The following NRXN1 variants were observed in gnomAD, a reference collection of about 807,000 sequenced individuals.
The protein encoded by NRXN1 is neurexin 1.
A neutral mutation model predicts 150.9 loss-of-function variants in NRXN1; 39 were observed. That is an observed-to-expected ratio of 0.26 (90% CI 0.20 to 0.34). The LOEUF is 0.34. Ranked by LOEUF, NRXN1 falls within the 10% of genes least tolerant of loss-of-function variation. The probability of loss-of-function intolerance (pLI) is 1.00; values close to 1 mark genes in which losing one functional copy is unlikely to be tolerated. For synonymous variants in NRXN1, 924 were observed against 757.0 expected (o/e 1.22, Z -3.62); for missense variants, 1,815 against 1,949.9 (o/e 0.93, Z 1.30).
chr2:50,241,683 T>A (rs1014723035), intron 17 of NRXN1, among the ~76,000 whole-genome samples: 3 of 151,798 alleles, frequency 2.0e-5, no homozygotes, highest in African/African-American at 7.2e-5. Context: ...AAAATATACA[T>A]GGGCTCCCGT....
At chr2:50,644,868 T>C (rs1447936707) in intron 5 of NRXN1, among the ~76,000 whole-genome samples, 2 of 149,262 alleles carry the variant, frequency 1.3e-5, no homozygotes, top group Non-Finnish European at 3.0e-5. Context: ...GATATATAAA[T>C]AAAAAATGTA....
intron 5 of NRXN1, chr2:50,918,713 C>G: frequency 3.0e-6 from 1 of 333,444 alleles, no homozygotes; most frequent in East Asian, 4.0e-5. Context: ...GGAAAAGAAA[C>G]AAGAACAAAA....
chr2:51,027,568 C>G lies in NRXN1; in HGVS notation c.706G>C (p.Val236Leu), dbSNP rs1366215241. The G allele has an allele frequency of 6.2e-7, 1 of 1,601,962 alleles. No homozygotes were observed. Among genetic ancestry groups the G allele is most frequent in the Non-Finnish European group, 8.5e-7 (1 of 1,171,968 alleles). ...TCGCACACGGCCTGGTCGTCCACCA[C>G]GGAGCACACACCTCCGTTGAGGCAC... ...GVCLNGGVCS[V>L]VDDQAVCDCS... Residue 236 changes from valine to leucine, a missense_variant, in exon 2 of 23, where the codon GTG becomes CTG. Coordinates refer to ENST00000401669, the MANE Select transcript of NRXN1 (RefSeq NM_001330078.2).
At chr2:50,814,811 T>C (rs988117747) in intron 5 of NRXN1, among the ~76,000 whole-genome samples, 8 of 152,172 alleles carry the variant, frequency 5.3e-5, no homozygotes, top group African/African-American at 1.9e-4. Context: ...AATTATTATA[T>C]TGAAATTCTG....
intron 12 of NRXN1, among the ~76,000 whole-genome samples, chr2:50,519,462 A>G (rs996405953): frequency 2.0e-5 from 3 of 151,970 alleles, no homozygotes; most frequent in Middle Eastern, 3.2e-3. Flanking sequence ...GCTCCAGGAA[A>G]TGTTCTAAAA....
chr2:50,260,222 A>G (rs568625368), intron 17 of NRXN1, among the ~76,000 whole-genome samples: 1 of 151,992 alleles, frequency 6.6e-6, no homozygotes, highest in South Asian at 2.1e-4. Context: ...TGATGCCTTT[A>G]GGAAAATAGA....
rs906574579 is a variant in NRXN1, at chr2:50,479,084, G to C, written c.3071-6613C>G. Among the ~76,000 whole-genome samples, 3 of 152,090 alleles carry C rather than the reference G, an allele frequency of 2.0e-5. No individual in the cohort carries two copies. The East Asian group carries it at 5.8e-4, about 29-fold the overall frequency. On this transcript the variant is annotated intron_variant, in intron 15 of 22. Transcript: ENST00000401669. ...CTGTATCATCTAAATTAAGTCTAAG[G>C]CTCAGCAGTGATCAAGATTTTGAAT...
intron 17 of NRXN1, among the ~76,000 whole-genome samples, chr2:50,381,760 G>A (rs529452636): frequency 1.3e-4 from 20 of 152,236 alleles, no homozygotes; most frequent in African/African-American, 4.6e-4. Flanking sequence ...TTAAATGCAA[G>A]GTGCTTAAAC....
intron 2 of NRXN1, among the ~76,000 whole-genome samples, chr2:50,975,971 T>C (rs920891259): frequency 1.3e-5 from 2 of 152,082 alleles, no homozygotes; most frequent in East Asian, 1.9e-4. Context: ...TTAGGGACAC[T>C]GTGGCACAAT....
chr2:50,005,295 A>C (rs1318747616), intron 21 of NRXN1, among the ~76,000 whole-genome samples: 3 of 152,170 alleles, frequency 2.0e-5, no homozygotes, highest in Non-Finnish European at 4.4e-5. Context: ...AAGATATGGT[A>C]TACTATAGAA....
intron 5 of NRXN1, among the ~76,000 whole-genome samples, chr2:50,641,000 G>A (rs759380215): frequency 2.6e-5 from 4 of 152,122 alleles, no homozygotes; most frequent in Non-Finnish European, 5.9e-5. Context: ...CAGTTTAAGA[G>A]AAAAGTAGAC....
chr2:50,970,959 T>C (rs1694900700), intron 2 of NRXN1, among the ~76,000 whole-genome samples: 1 of 152,164 alleles, frequency 6.6e-6, no homozygotes, highest in Non-Finnish European at 1.5e-5. Flanking sequence ...CAAGCAAAAA[T>C]ATTTGAAAAT....
At chr2:50,781,066 T>G (rs182863399) in intron 5 of NRXN1, among the ~76,000 whole-genome samples, 1 of 152,290 alleles carries the variant, frequency 6.6e-6, no homozygotes, top group Admixed American at 6.5e-5. Flanking sequence ...TGAAGTTCAT[T>G]ACTTGTAGCA....
intron 21 of NRXN1, among the ~76,000 whole-genome samples, chr2:49,986,491 C>A (rs1680933087): frequency 6.6e-6 from 1 of 152,068 alleles, no homozygotes; most frequent in South Asian, 2.1e-4. Context: ...AAGACTGGGG[C>A]TCATATTTGC....
chr2:50,050,933 T>A (rs970051957), intron 21 of NRXN1, among the ~76,000 whole-genome samples: 1 of 152,022 alleles, frequency 6.6e-6, no homozygotes, highest in East Asian at 1.9e-4. Flanking sequence ...ATTCTTTAAT[T>A]ACTGTCACTG....
At chr2:50,652,484 G>A (rs1296505535) in intron 5 of NRXN1, among the ~76,000 whole-genome samples, 1 of 152,060 alleles carries the variant, frequency 6.6e-6, no homozygotes, top group Non-Finnish European at 1.5e-5. Context: ...ACCACATAAT[G>A]TGTGGACTTT....
intron 21 of NRXN1, among the ~76,000 whole-genome samples, chr2:50,050,028 T>C (rs138705065): frequency 3.3e-5 from 5 of 152,174 alleles, no homozygotes; most frequent in Non-Finnish European, 7.4e-5. Flanking sequence ...ATCAATATTG[T>C]TATATTCACA....
chr2:50,765,413 C>A (rs1702269829), intron 5 of NRXN1, among the ~76,000 whole-genome samples: 1 of 152,040 alleles, frequency 6.6e-6, no homozygotes, highest in Non-Finnish European at 1.5e-5. Context: ...AAAAAGATCA[C>A]CACCTACGTG....
At chr2:50,215,107 G>A (rs965139114) in intron 18 of NRXN1, among the ~76,000 whole-genome samples, 1 of 151,854 alleles carries the variant, frequency 6.6e-6, no homozygotes, top group Non-Finnish European at 1.5e-5. Flanking sequence ...TCTGAGAGTT[G>A]AATTATTTTA....
Sources: allele counts gnomAD v4.1 joint callset (sites outside exome capture counted in the v4.1 genomes callset), GRCh38; gene constraint gnomAD v4.1.1; transcripts MANE v1.5; gene names NCBI Gene and HGNC (gene_info 2026-07-23, HGNC 2026-07-21).